CAND1: variants seen among roughly 807,000 people sequenced by gnomAD.
CAND1 encodes cullin-associated NEDD8-dissociated protein 1.
Under a neutral mutation model 108.5 loss-of-function variants are expected in CAND1, and 7 were observed. That is an observed-to-expected ratio of 0.06 (90% CI 0.04 to 0.12). The LOEUF is 0.12. Ranked by LOEUF, CAND1 falls within the 10% of genes least tolerant of loss-of-function variation. CAND1 has a pLI of 1.00. For synonymous variants in CAND1, 534 were observed against 512.0 expected (o/e 1.04, Z -0.58); for missense variants, 941 against 1,448.7 (o/e 0.65, Z 5.69).
intron 13 of CAND1, 141 bp from the exon 14 acceptor site, chr12:67,311,552 G>C (rs1411022140): frequency 1.7e-4 from 37 of 211,986 alleles, no homozygotes; most frequent in African/African-American, 4.9e-4. Flanking sequence ...AAATCTGTCT[G>C]ATTCTGATTG....
At chr12:67,301,082 A>G (rs951033288) in intron 7 of CAND1, among the ~76,000 whole-genome samples, 1 of 152,152 alleles carries the variant, frequency 6.6e-6, no homozygotes, top group Non-Finnish European at 1.5e-5. Flanking sequence ...GGCAATTGCC[A>G]TAGTGTATTG....
At chr12:67,292,406 C>T (rs943234566) in intron 2 of CAND1, among the ~76,000 whole-genome samples, 1 of 152,134 alleles carries the variant, frequency 6.6e-6, no homozygotes, top group African/African-American at 2.4e-5. Context: ...TTTCATGATA[C>T]TAGGATGGAA....
chr12:67,277,941 G>C (rs2044584969), intron 1 of CAND1, among the ~76,000 whole-genome samples: 1 of 152,170 alleles, frequency 6.6e-6, no homozygotes, highest in Non-Finnish European at 1.5e-5. Flanking sequence ...ATGGTCCACA[G>C]TATAGCTGGA....
intron 10 of CAND1, among the ~76,000 whole-genome samples, chr12:67,307,103 G>A (rs1050552158): frequency 2.0e-5 from 3 of 152,044 alleles, no homozygotes; most frequent in African/African-American, 4.8e-5. Flanking sequence ...ATTTTTAAGC[G>A]GTTTTGGATT....
chr12:67,280,501 G>A (rs545405054), intron 1 of CAND1, among the ~76,000 whole-genome samples: 9 of 152,170 alleles, frequency 5.9e-5, no homozygotes, highest in East Asian at 5.8e-4. Context: ...ACAAAATAAC[G>A]TATTTTTACT....
At chr12:67,291,244 A>G (rs1375876672) in intron 2 of CAND1, among the ~76,000 whole-genome samples, 1 of 152,258 alleles carries the variant, frequency 6.6e-6, no homozygotes, top group East Asian at 1.9e-4. Flanking sequence ...AGTATATGCA[A>G]GGTGCTTTGG....
intron 1 of CAND1, chr12:67,270,769 T>TAAAAAAA (rs10573806): frequency 1.5e-5 from 2 of 137,870 alleles, no homozygotes; most frequent in African/African-American, 5.3e-5. Context: ...GTTCTCAATC[T>TAAAAAAA]AAAAAAAAAA....
chr12:67,305,508 A>G lies in CAND1; in HGVS notation c.1840A>G (p.Ile614Val), dbSNP rs1326497674. ...LGSDLPNTLQ[I>V]FLERLKNEIT... ...TTCTGACTTGCCTAATACACTTCAG[A>G]TTTTCTTGGAGAGACTAAAGAATGA... The change falls in exon 10 of 15, where the codon ATT becomes GTT. Residue 614 changes from isoleucine to valine, a missense_variant. Around this residue, in one of 9 missense-constraint regions of CAND1, gnomAD observed 697 missense variants for 942.0 expected, o/e 0.74. Coordinates refer to ENST00000545606, the MANE Select transcript of CAND1 (RefSeq NM_018448.5). The surrounding 1 kb of genome is among the most constrained non-coding windows in gnomAD (Gnocchi z 4.4). 1 of 1,613,764 alleles carries G rather than the reference A, an allele frequency of 6.2e-7. No homozygotes were observed. The highest frequency in any genetic ancestry group is 1.3e-5 in the African/African-American group (1 of 74,896).
intron 13 of CAND1, 99 bp downstream of exon 13, chr12:67,310,415 G>C: frequency 1.1e-6 from 1 of 875,772 alleles, no homozygotes. Flanking sequence ...GAAAAATCAG[G>C]TTGTCTGTGA....
chr12:67,282,387 GT>G (rs1235445096), intron 2 of CAND1, among the ~76,000 whole-genome samples: 7 of 152,042 alleles, frequency 4.6e-5, no homozygotes, highest in African/African-American at 1.5e-4. Flanking sequence ...CTGTATTCCA[GT>G]GGGGATGAAA....
In CAND1 at chr12:67,317,434, C is replaced by T. The variant is rs1449902056; in HGVS notation, c.*4604C>T. ...TTGCAAGTGCCTCCTTGCCCAGCCA[C>T]ATGTTGTTGATTTCTTTTTTCTTTT... On this transcript the variant is annotated 3_prime_UTR_variant, in exon 15 of 15. Coordinates refer to ENST00000545606, the MANE Select transcript of CAND1 (RefSeq NM_018448.5). 1 of 150,552 alleles carries T rather than the reference C, an allele frequency of 6.6e-6. No homozygotes were observed. The highest frequency in any genetic ancestry group is 6.6e-5 in the Admixed American group (1 of 15,146). The allele number at this position is 150,552 out of a possible 1,614,324, so 9.3% of individuals were successfully genotyped here.
chr12:67,269,674 C>T lies in CAND1; in HGVS notation c.-44C>T, dbSNP rs1032612206. ...CGGCGGCGGCGGCAGCGGCAGCGGG[C>T]AGCAGCTCCAGCAGCGCCAGCAGGC... is the stretch of plus-strand genomic sequence containing the variant. On this transcript the variant is annotated 5_prime_UTR_variant, in exon 1 of 15. Transcript: ENST00000545606. 4.5e-6 allele frequency: 7 copies of T among 1,546,598 alleles called. No homozygotes were observed. Among genetic ancestry groups the T allele is most frequent in the South Asian group, 2.3e-5 (2 of 87,196 alleles).
intron 1 of CAND1, among the ~76,000 whole-genome samples, chr12:67,279,026 C>G (rs2044595889): frequency 6.6e-6 from 1 of 152,116 alleles, no homozygotes; most frequent in African/African-American, 2.4e-5. Flanking sequence ...GTAGTAGGTT[C>G]TTATTACACA....
At chr12:67,310,656 C>T (rs2044939378) in intron 13 of CAND1, 1 of 166,068 alleles carries the variant, frequency 6.0e-6, no homozygotes, top group African/African-American at 2.4e-5. Context: ...TTTGGCCTGT[C>T]TTAACATTGG....
rs1199173055 is a variant in CAND1 at position 67,269,717 on chromosome 12, C to T, written c.-1C>T. Reference sequence around the variant, plus strand: ...CAGCAGGCGGGATCGAGGCCGTCAACATGGCGAGCGCCTCGTACCACATTT... The same window carrying T: ...CAGCAGGCGGGATCGAGGCCGTCAATATGGCGAGCGCCTCGTACCACATTT... On this transcript the variant is annotated 5_prime_UTR_variant, in exon 1 of 15. Coordinates refer to ENST00000545606, the MANE Select transcript of CAND1 (RefSeq NM_018448.5). The T allele has an allele frequency of 1.9e-6, 3 of 1,602,776 alleles. No individual in the cohort carries two copies. The highest frequency in any genetic ancestry group is 4.6e-5 in the East Asian group (2 of 43,546).
rs781685113 is a variant in CAND1, at chr12:67,305,738, T to G, written c.2070T>G (p.Ile690Met). Reference sequence around the variant, plus strand: ...GTGACAGCTTGACAGCTGCCATGATTGATGCAGTTCTAGATGAGCTCCCAC... The same window carrying G: ...GTGACAGCTTGACAGCTGCCATGATGGATGCAGTTCTAGATGAGCTCCCAC... ...NYSDSLTAAM[I>M]DAVLDELPPL... The change falls in exon 10 of 15, where the codon ATT becomes ATG. Residue 690 changes from isoleucine (I) to methionine (M), a missense_variant. Ile to Met is a conservative substitution (Grantham distance 10, BLOSUM62 1). Coordinates refer to ENST00000545606, the MANE Select transcript of CAND1 (RefSeq NM_018448.5). The surrounding 1 kb of genome is among the most constrained non-coding windows in gnomAD (Gnocchi z 4.4). The G allele has an allele frequency of 1.7e-5, 27 of 1,614,080 alleles. No individual in the cohort carries two copies. The highest frequency in any genetic ancestry group is 3.3e-5 in the Admixed American group (2 of 60,004).
Position 67,305,654 on chromosome 12 carries a change from C to T in CAND1, c.1986C>T (p.Asn662=). The T allele has an allele frequency of 1.2e-6, 2 of 1,614,056 alleles. No individual in the cohort carries two copies. Among genetic ancestry groups the T allele is most frequent in the Non-Finnish European group, 1.7e-6 (2 of 1,179,980 alleles). Residue 662 remains asparagine (N), a synonymous_variant, in exon 10 of 15, where the codon AAC becomes AAT. Coordinates refer to ENST00000545606, the MANE Select transcript of CAND1 (RefSeq NM_018448.5). This position sits in a 1 kb window ranked among gnomAD's most constrained non-coding sequence, Gnocchi z 4.4. ...TCCTTGCTTCATTTCTTAGAAAAAA[C>T]CAGAGAGCTTTGAAACTGGGTACTC... ...VPILASFLRK[N]QRALKLGTLS... is the part of the protein sequence containing the mutation.
chr12:67,288,559 A>C (rs1168618943), intron 2 of CAND1, among the ~76,000 whole-genome samples: 1 of 152,204 alleles, frequency 6.6e-6, no homozygotes, highest in Non-Finnish European at 1.5e-5. Flanking sequence ...TATAATGTTA[A>C]AGACAAAATT....
At chr12:67,273,439 A>G (rs1221717562) in intron 1 of CAND1, among the ~76,000 whole-genome samples, 2 of 151,334 alleles carry the variant, frequency 1.3e-5, no homozygotes, top group Non-Finnish European at 3.0e-5. Flanking sequence ...GTGAATATTA[A>G]TATTGAATAT....
Sources: gnomAD v4.1 joint callset for allele counts (sites outside exome capture counted in the v4.1 genomes callset) on GRCh38, gnomAD v4.1.1 for gene constraint, gnomAD v4.1.1 regional missense constraint, Gnocchi (gnomAD v3.1) non-coding constraint, MANE v1.5 for transcripts, NCBI Gene and HGNC (gene_info 2026-07-23, HGNC 2026-07-21) for gene names.